Variants in NME7 observed in about 807,000 individuals in gnomAD.
NME7 encodes NME/NM23 family member 7.
NME7 carries 41 observed loss-of-function variants against 49.1 expected under a neutral mutation model. The ratio of observed to expected loss-of-function variants is 0.83; its 90% CI spans 0.65 to 1.08. The LOEUF (loss-of-function observed/expected upper bound fraction) is 1.08, where lower values mean the gene tolerates loss of function less well. NME7 is among the 50% of genes least tolerant of loss of function. The pLI is 0.00. For missense variants in NME7, 423 were observed against 463.4 expected (o/e 0.91, Z 0.80); for synonymous variants, 139 against 150.6 (o/e 0.92, Z 0.56).
Position 169,251,649 on chromosome 1 carries a change from C to T in NME7, c.755-13962G>A, listed in dbSNP as rs200603939. 4.6e-3 allele frequency among the ~76,000 whole-genome samples: 665 copies of T among 146,068 alleles called. 18 individuals carry two copies. The highest frequency in any genetic ancestry group is 0.038 in the Admixed American group (530 of 14,104). ...TATGTATACATGTGCCATGCTGGTGCACTGCACCCACTAACTCATCATCTA... is the reference window on the plus strand; with the variant it reads ...TATGTATACATGTGCCATGCTGGTGTACTGCACCCACTAACTCATCATCTA... On this transcript the variant is annotated intron_variant, in intron 7 of 11. Coordinates refer to ENST00000367811, the MANE Select transcript of NME7 (RefSeq NM_013330.5).
chr1:169,311,382 G>A (rs1651381484), intron 3 of NME7, among the ~76,000 whole-genome samples: 1 of 131,780 alleles, frequency 7.6e-6, no homozygotes, highest in Admixed American at 9.2e-5. Context: ...TAGCACCACT[G>A]CACTCCAGCC....
At chr1:169,285,211 A>G (rs1015583081) in intron 7 of NME7, 4 of 152,138 alleles carry the variant, frequency 2.6e-5, no homozygotes, top group Non-Finnish European at 5.9e-5. Context: ...CAAAAATCCA[A>G]TAAACATAAA....
chr1:169,233,978 T>A (rs529332505), intron 9 of NME7, among the ~76,000 whole-genome samples: 12 of 152,154 alleles, frequency 7.9e-5, no homozygotes, highest in Middle Eastern at 3.4e-3. Flanking sequence ...TTTTTCTTTC[T>A]TTGTCTCTCT....
chr1:169,165,232 A>G (rs958332055), intron 11 of NME7, among the ~76,000 whole-genome samples: 2 of 152,172 alleles, frequency 1.3e-5, no homozygotes, highest in Admixed American at 1.3e-4. Flanking sequence ...GGAGAACAGT[A>G]GAAATGAATT....
intron 4 of NME7, among the ~76,000 whole-genome samples, chr1:169,307,135 T>G (rs188355283): frequency 6.6e-6 from 1 of 152,302 alleles, no homozygotes; most frequent in Admixed American, 6.5e-5. Flanking sequence ...TATAGATTTT[T>G]AGGAGAGAGC....
At chr1:169,208,756 G>A (rs1364515462) in intron 10 of NME7, among the ~76,000 whole-genome samples, 1 of 152,066 alleles carries the variant, frequency 6.6e-6, no homozygotes, top group Non-Finnish European at 1.5e-5. Context: ...TAATTAATTA[G>A]TAGGAAGGCT....
At chr1:169,316,204 A>C (rs921978107) in intron 3 of NME7, among the ~76,000 whole-genome samples, 1 of 149,874 alleles carries the variant, frequency 6.7e-6, no homozygotes, top group Non-Finnish European at 1.5e-5. Context: ...TAAATAAAAG[A>C]ATGTCTAACA....
intron 11 of NME7, among the ~76,000 whole-genome samples, chr1:169,168,561 T>A (rs12057856): frequency 0.37 from 56,384 of 151,914 alleles, 11,041 homozygotes; most frequent in East Asian, 0.73. Context: ...CCTCCCAAGT[T>A]GCTGGGACTC....
chr1:169,247,910 T>C (rs915786976), intron 7 of NME7, among the ~76,000 whole-genome samples: 11 of 152,174 alleles, frequency 7.2e-5, no homozygotes, highest in African/African-American at 2.7e-4. Context: ...ATTGGTTCCA[T>C]ACGTTTGCAA....
rs949888700 is a variant in NME7, at chr1:169,217,855, C to G, written c.990+12863G>C. 5.9e-5 allele frequency among the ~76,000 whole-genome samples: 9 copies of G among 152,270 alleles called. No homozygotes were observed. The South Asian group carries it at 1.9e-3, about 32-fold the overall frequency. The stretch of plus-strand genomic sequence containing the variant: ...CCTCACCTGCCACAGCTTAAAGCAG[C>G]ACTATAAGCTGCACTATGCTTTTCA... On this transcript the variant is annotated intron_variant, in intron 10 of 11. Coordinates refer to ENST00000367811, the MANE Select transcript of NME7 (RefSeq NM_013330.5).
intron 10 of NME7, among the ~76,000 whole-genome samples, chr1:169,205,455 C>G (rs1286008269): frequency 6.6e-6 from 1 of 152,106 alleles, no homozygotes; most frequent in African/African-American, 2.4e-5. Context: ...CAGCATGTAT[C>G]CTAGGCTCTG....
chr1:169,296,840 G>C lies in NME7; in HGVS notation c.648+1716C>G, dbSNP rs113001761. ...AATCTTGTTTATTTGACCTTCAACC[G>C]TTAATATATATTTTAAAATATATTT... On this transcript the variant is annotated intron_variant, in intron 6 of 11. Coordinates refer to ENST00000367811, the MANE Select transcript of NME7 (RefSeq NM_013330.5). Among the ~76,000 whole-genome samples, 856 of 152,014 alleles carry C rather than the reference G, an allele frequency of 5.6e-3. 3 individuals are homozygous for C. The highest frequency in any genetic ancestry group is 8.7e-3 in the Non-Finnish European group (592 of 67,984).
At chr1:169,172,225 G>A (rs1314905538) in intron 10 of NME7, among the ~76,000 whole-genome samples, 13 of 150,354 alleles carry the variant, frequency 8.6e-5, no homozygotes, top group Admixed American at 6.6e-4. Context: ...TTTCCTCAAC[G>A]ATACAATCCT....
At chr1:169,301,644 A>G (rs1380930429) in intron 5 of NME7, among the ~76,000 whole-genome samples, 1 of 152,190 alleles carries the variant, frequency 6.6e-6, no homozygotes, top group East Asian at 1.9e-4. Flanking sequence ...TGCTATTCAC[A>G]ATAGCAAATA....
chr1:169,359,278 G>A (rs1489075715), intron 1 of NME7, among the ~76,000 whole-genome samples: 2 of 150,642 alleles, frequency 1.3e-5, no homozygotes, highest in African/African-American at 4.9e-5. Flanking sequence ...TCATTGTATT[G>A]TTATTTTTTT....
chr1:169,350,488 G>A (rs1653131022), intron 1 of NME7, among the ~76,000 whole-genome samples: 2 of 151,972 alleles, frequency 1.3e-5, no homozygotes, highest in Admixed American at 1.3e-4. Flanking sequence ...AAGAAAGCAG[G>A]AGTGATGGGG....
Position 169,256,822 on chromosome 1 carries a change from C to T in NME7, c.755-19135G>A, listed in dbSNP as rs1461221492. 8.4e-5 allele frequency among the ~76,000 whole-genome samples: 11 copies of T among 131,250 alleles called. 3 individuals carry two copies. The highest frequency in any genetic ancestry group is 2.4e-4 in the South Asian group (1 of 4,214). 86.1% of individuals were successfully genotyped at this position (131,250 alleles called of 152,430 possible). On this transcript the variant is annotated intron_variant, in intron 7 of 11. Transcript: ENST00000367811. ...CTGCAGGTCTGTTGGAATACCCTGC[C>T]GTGTGAGGTGTCAGTGTGCTCTTGC...
rs1247865201 is a variant in NME7 at position 169,255,879 on chromosome 1, G to T, written c.755-18192C>A. 6.0e-5 allele frequency among the ~76,000 whole-genome samples: 8 copies of T among 132,640 alleles called. No homozygotes were observed. In the East Asian group the frequency reaches 8.1e-4, roughly 13 times the overall value. 87.0% of individuals were successfully genotyped at this position (132,640 alleles called of 152,430 possible). A position where few individuals can be genotyped will look rare whatever the true frequency, so the allele number is the denominator to read the frequency against. On this transcript the variant is annotated intron_variant, in intron 7 of 11. Coordinates refer to ENST00000367811, the MANE Select transcript of NME7 (RefSeq NM_013330.5). Reference sequence around the variant, plus strand: ...TTGAAAATTCTTTTCTTTAAGAATGGTGAATATTGGCCCCCACTCTCTTCT... The same window carrying T: ...TTGAAAATTCTTTTCTTTAAGAATGTTGAATATTGGCCCCCACTCTCTTCT...
At chr1:169,320,230 A>G (rs1479481028) in intron 3 of NME7, among the ~76,000 whole-genome samples, 1 of 152,222 alleles carries the variant, frequency 6.6e-6, no homozygotes, top group East Asian at 1.9e-4. Context: ...ACTCATTGAC[A>G]ACTTGTAACC....
Sources: gnomAD v4.1 joint callset for allele counts (sites outside exome capture counted in the v4.1 genomes callset) on GRCh38, gnomAD v4.1.1 for gene constraint, MANE v1.5 for transcripts, NCBI Gene and HGNC (gene_info 2026-07-23, HGNC 2026-07-21) for gene names.